The following HDAC4 variants were observed in gnomAD, a reference collection of about 807,000 sequenced individuals.
The protein encoded by HDAC4 is histone deacetylase A.
A neutral mutation model predicts 135.1 loss-of-function variants in HDAC4; 16 were observed. That is an observed-to-expected ratio of 0.12 (90% confidence interval 0.08 to 0.18). The LOEUF (loss-of-function observed/expected upper bound fraction) is 0.18, where lower values mean the gene tolerates loss of function less well. Ranked by LOEUF, HDAC4 falls within the 10% of genes least tolerant of loss-of-function variation. The pLI is 1.00. For synonymous variants in HDAC4, 685 were observed against 653.4 expected, an observed-to-expected ratio of 1.05 and a Z score of -0.74; for missense variants, 1,143 against 1,511.8, an observed-to-expected ratio of 0.76 and a Z score of 4.05.
chr2:239,156,059 G>A (rs565892480), intron 7 of HDAC4, among the ~76,000 whole-genome samples: 4 of 152,328 alleles, frequency 2.6e-5, no homozygotes, highest in East Asian at 3.9e-4. Flanking sequence ...TGCTGCAGCC[G>A]CCTCTCCCTG....
At chr2:239,175,187 TG>T (rs2043680610) in intron 5 of HDAC4, among the ~76,000 whole-genome samples, 2 of 152,374 alleles carry the variant, frequency 1.3e-5, no homozygotes, top group Middle Eastern at 3.4e-3. Context: ...CCCTTCACTC[TG>T]GTGATTAGAT....
At chr2:239,133,477 T>G (rs962029330) in intron 11 of HDAC4, among the ~76,000 whole-genome samples, 1 of 152,192 alleles carries the variant, frequency 6.6e-6, no homozygotes, top group East Asian at 1.9e-4. Flanking sequence ...CCTCATTTAT[T>G]TATTTTTGAG....
intron 16 of HDAC4, among the ~76,000 whole-genome samples, chr2:239,096,374 C>CCG (rs1229707553): frequency 7.6e-6 from 1 of 132,374 alleles, no homozygotes; most frequent in Admixed American, 7.6e-5. Flanking sequence ...CCTGCAACCC[C>CCG]CCCCGACACC....
chr2:239,143,525 C>T (rs940137402), intron 8 of HDAC4, among the ~76,000 whole-genome samples: 5 of 152,170 alleles, frequency 3.3e-5, no homozygotes, highest in African/African-American at 1.2e-4. Flanking sequence ...ATATGGAGTT[C>T]CCCTGGGCAT....
At chr2:239,236,004 C>T (rs2047866726) in intron 3 of HDAC4, among the ~76,000 whole-genome samples, 1 of 152,196 alleles carries the variant, frequency 6.6e-6, no homozygotes, top group South Asian at 2.1e-4. Flanking sequence ...TACGCCACTC[C>T]ACTCCAGCCT....
intron 26 of HDAC4, 82 bp from the exon 27 acceptor site, chr2:239,053,218 C>A: frequency 1.9e-6 from 3 of 1,552,208 alleles, no homozygotes; most frequent in African/African-American, 2.7e-5. Context: ...GGGTTAAAGG[C>A]TGTGTGCTGC....
At chr2:239,390,717 A>ACTACCC (rs1314022283) in intron 1 of HDAC4, among the ~76,000 whole-genome samples, 1 of 151,994 alleles carries the variant, frequency 6.6e-6, no homozygotes, top group Non-Finnish European at 1.5e-5. Flanking sequence ...CCAGAGCGGC[A>ACTACCC]CTACCCCTCA....
intron 2 of HDAC4, among the ~76,000 whole-genome samples, chr2:239,239,910 T>C (rs1318568836): frequency 2.6e-5 from 4 of 152,206 alleles, no homozygotes; most frequent in Admixed American, 6.5e-5. Context: ...GGCACAGACA[T>C]GGGTCTCAGT....
chr2:239,377,874 G>A (rs74003970), intron 1 of HDAC4, among the ~76,000 whole-genome samples: 1 of 152,078 alleles, frequency 6.6e-6, no homozygotes, highest in Non-Finnish European at 1.5e-5. Context: ...CCTTCTGCTG[G>A]GACTGTCTCC....
chr2:239,220,527 G>T (rs604827), intron 3 of HDAC4, among the ~76,000 whole-genome samples: 4 of 152,148 alleles, frequency 2.6e-5, no homozygotes, highest in South Asian at 2.1e-4. Context: ...GTTTGTGCTT[G>T]GTAGGGGAAG....
At chr2:239,350,255 G>C (rs1693034145) in intron 2 of HDAC4, among the ~76,000 whole-genome samples, 1 of 151,676 alleles carries the variant, frequency 6.6e-6, no homozygotes, top group Non-Finnish European at 1.5e-5. Context: ...CAAAAGAACA[G>C]TCATTAATTT....
chr2:239,108,530 G>A (rs2038367394), intron 14 of HDAC4, among the ~76,000 whole-genome samples: 1 of 152,148 alleles, frequency 6.6e-6, no homozygotes, highest in African/African-American at 2.4e-5. Flanking sequence ...ACCTTGCAGG[G>A]GTGAGCTCTA....
chr2:239,136,582 G>T (rs2040972316), intron 9 of HDAC4, among the ~76,000 whole-genome samples: 1 of 152,220 alleles, frequency 6.6e-6, no homozygotes, highest in East Asian at 1.9e-4. Context: ...CAAAGGAAGA[G>T]AATCACCAGA....
intron 6 of HDAC4, 126 bp from the exon 7 acceptor site, chr2:239,156,899 T>A: frequency 9.4e-7 from 1 of 1,059,280 alleles, no homozygotes; most frequent in Non-Finnish European, 1.4e-6. Context: ...CAGACACACC[T>A]TTTCCCTAGG....
At chr2:239,365,182 A>C (rs1335198869) in intron 1 of HDAC4, among the ~76,000 whole-genome samples, 1 of 152,218 alleles carries the variant, frequency 6.6e-6, no homozygotes, top group Non-Finnish European at 1.5e-5. Flanking sequence ...CCTTAGTGAA[A>C]TGTGGAGTGT....
At chr2:239,343,418 G>A (rs1400208849) in intron 2 of HDAC4, among the ~76,000 whole-genome samples, 1 of 152,232 alleles carries the variant, frequency 6.6e-6, no homozygotes, top group Admixed American at 6.5e-5. Flanking sequence ...AAAGACAGAG[G>A]AAGGACAGAT....
At chr2:239,120,395 GCACACAGACA>G (rs1553622833) in intron 12 of HDAC4, among the ~76,000 whole-genome samples, 19 of 145,314 alleles carry the variant, frequency 1.3e-4, no homozygotes, top group East Asian at 1.0e-3. Context: ...ACACACAGAC[GCACACAGACA>G]CACACACACA....
intron 2 of HDAC4, among the ~76,000 whole-genome samples, chr2:239,342,702 C>T (rs555955358): frequency 6.6e-6 from 1 of 152,242 alleles, no homozygotes; most frequent in South Asian, 2.1e-4. Context: ...GGAAAGGCAG[C>T]AAGGGGACAC....
In HDAC4 at chr2:239,285,454, G is replaced by A. The variant is rs1274598328; in HGVS notation, c.23-48790C>T. Among the ~76,000 whole-genome samples the A allele has an allele frequency of 1.3e-5, 2 of 152,228 alleles. No individual in the cohort carries two copies. Among genetic ancestry groups the A allele is most frequent in the African/African-American group, 4.8e-5 (2 of 41,470 alleles). On this transcript the variant is annotated intron_variant, in intron 2 of 26. Transcript: ENST00000543185. This position sits in a 1 kb window ranked among gnomAD's most constrained non-coding sequence, Gnocchi z 4.5. The stretch of plus-strand genomic sequence containing the variant: ...CGAGGCTGGGGCTTCGCTAGTGTGC[G>A]GGGAGGCAGAGGAGCAGTGCCGGCT...
Sources: gnomAD v4.1 joint callset for allele counts (sites outside exome capture counted in the v4.1 genomes callset) on GRCh38, gnomAD v4.1.1 for gene constraint, Gnocchi (gnomAD v3.1) non-coding constraint, MANE v1.5 for transcripts, NCBI Gene and HGNC (gene_info 2026-07-23, HGNC 2026-07-21) for gene names.